CHURC1: variants seen among roughly 807,000 people sequenced by gnomAD.
CHURC1 encodes the protein churchill domain containing 1.
CHURC1 carries 12 observed loss-of-function variants against 15.4 expected under a neutral mutation model. The ratio of observed to expected loss-of-function variants is 0.78; its 90% CI spans 0.50 to 1.27. The LOEUF (loss-of-function observed/expected upper bound fraction) is 1.27, where lower values mean the gene tolerates loss of function less well. CHURC1 is among the 50% of genes most tolerant of loss of function. The pLI, the probability that CHURC1 is intolerant of heterozygous loss-of-function variation, is 0.00. For missense variants in CHURC1, 132 were observed against 137.8 expected (o/e 0.96, Z 0.21); for synonymous variants, 42 against 47.5 (o/e 0.88, Z 0.48).
chr14:64,924,989 C>A (rs1884578590), intron 2 of CHURC1, among the ~76,000 whole-genome samples: 2 of 152,124 alleles, frequency 1.3e-5, no homozygotes, highest in Admixed American at 6.5e-5. Flanking sequence ...GAATCTTTTT[C>A]TTTCTTTTTA....
In CHURC1 at chr14:64,932,595, A is replaced by T; in HGVS notation, c.*365A>T. On this transcript the variant is annotated 3_prime_UTR_variant, in exon 4 of 4. Coordinates refer to ENST00000549115, the MANE Select transcript of CHURC1 (RefSeq NM_001386928.1). The stretch of plus-strand genomic sequence containing the variant: ...AGAACTGGGATATGAACTGTACAAG[A>T]TGAGCCTAGAGTATCTTGTGCCACA... 1 of 357,362 alleles carries T rather than the reference A, an allele frequency of 2.8e-6. No homozygotes were observed. The allele number at this position is 357,362 out of a possible 1,614,324, so 22.1% of individuals were successfully genotyped here.
chr14:64,934,431 T>C lies in CHURC1; in HGVS notation c.*2201T>C, dbSNP rs1351988081. ...TCACACAGCTAGTGCAGTTACCCCC[T>C]CTCAGTAATTATGTTTGGCAAATAT... On this transcript the variant is annotated 3_prime_UTR_variant, in exon 4 of 4. Transcript: ENST00000549115. The C allele has an allele frequency of 1.0e-6, 1 of 985,164 alleles. No individual in the cohort carries two copies. Among genetic ancestry groups the C allele is most frequent in the Non-Finnish European group, 1.2e-6 (1 of 829,706 alleles). 61.0% of individuals were successfully genotyped at this position (985,164 alleles called of 1,614,324 possible). A position where few individuals can be genotyped will look rare whatever the true frequency, so the allele number is the denominator to read the frequency against.
chr14:64,930,186 T>G (rs1302986822), intron 3 of CHURC1, among the ~76,000 whole-genome samples: 1 of 152,140 alleles, frequency 6.6e-6, no homozygotes, highest in Non-Finnish European at 1.5e-5. Context: ...CTCCAAATAT[T>G]TTCCCCTAGG....
intron 3 of CHURC1, among the ~76,000 whole-genome samples, chr14:64,930,376 T>G (rs950071982): frequency 1.3e-5 from 2 of 152,212 alleles, no homozygotes; most frequent in Admixed American, 1.3e-4. Flanking sequence ...AGCACTTCTA[T>G]ATATGGTTAG....
rs768385264 is a variant in CHURC1, at chr14:64,914,542, A to T, written c.39+8A>T. 1.9e-6 allele frequency: 3 copies of T among 1,614,194 alleles called. No homozygotes were observed. The highest frequency in any genetic ancestry group is 3.3e-5 in the Admixed American group (2 of 60,024). On this transcript the variant is annotated splice_region_variant and intron_variant, in intron 1 of 3. Transcript: ENST00000549115. ...AAGGAATATCCCAACCGGGTGAGCG[A>T]CTGGGCGCTCCCTTGGCCCGCGGGC... is the stretch of plus-strand genomic sequence containing the variant.
intron 3 of CHURC1, among the ~76,000 whole-genome samples, chr14:64,927,682 C>T (rs1301665488): frequency 6.7e-6 from 1 of 149,360 alleles, no homozygotes; most frequent in Non-Finnish European, 1.5e-5. Flanking sequence ...GATTCTTAAA[C>T]TAGACTCTCT....
In CHURC1 at chr14:64,925,253, G is replaced by A. The variant is rs138305305; in HGVS notation, c.176-757G>A. 3.1e-3 allele frequency among the ~76,000 whole-genome samples: 476 copies of A among 152,122 alleles called. 4 individuals are homozygous for A. Among genetic ancestry groups the A allele is most frequent in the African/African-American group, 0.011 (453 of 41,472 alleles). ...AATAGTAAGCACTCAATAAATCATCGTTTTTACTAGATTATTTTGTTACCA... is the reference window on the plus strand; with the variant it reads ...AATAGTAAGCACTCAATAAATCATCATTTTTACTAGATTATTTTGTTACCA... On this transcript the variant is annotated intron_variant, in intron 2 of 3. Transcript: ENST00000549115.
chr14:64,919,362 G>T (rs1884114020), intron 1 of CHURC1, among the ~76,000 whole-genome samples: 1 of 152,076 alleles, frequency 6.6e-6, no homozygotes, highest in South Asian at 2.1e-4. Flanking sequence ...TACTTGTTTT[G>T]TATTTGTCAT....
At chr14:64,918,556 A>G (rs565224762) in intron 1 of CHURC1, among the ~76,000 whole-genome samples, 2 of 152,330 alleles carry the variant, frequency 1.3e-5, no homozygotes, top group African/African-American at 4.8e-5. Flanking sequence ...GGCCGGGCCT[A>G]GTGGCTCACA....
At position 64,933,654 on chromosome 14, in the gene CHURC1, G is replaced by T; in HGVS notation, c.*1424G>T. On this transcript the variant is annotated 3_prime_UTR_variant, in exon 4 of 4. Transcript: ENST00000549115. The stretch of plus-strand genomic sequence containing the variant: ...GTAAAGTACTAGAAACAATGAGGTG[G>T]CTTCAATTAGTGCTCATTCTGAGAC... 1.0e-6 allele frequency: 1 copy of T among 985,404 alleles called. No individual in the cohort carries two copies. The highest frequency in any genetic ancestry group is 4.7e-5 in the South Asian group (1 of 21,284). The allele number at this position is 985,404 out of a possible 1,614,324, so 61.0% of individuals were successfully genotyped here.
chr14:64,916,616 C>T (rs1430951894), intron 1 of CHURC1, among the ~76,000 whole-genome samples: 2 of 152,038 alleles, frequency 1.3e-5, no homozygotes, highest in Admixed American at 6.6e-5. Context: ...CTTGCTCTGT[C>T]GCCCAGGTTG....
chr14:64,914,614 C>A, intron 1 of CHURC1, 80 bp downstream of exon 1: 1 of 1,598,440 alleles, frequency 6.3e-7, no homozygotes, highest in Non-Finnish European at 8.5e-7. Context: ...CCAGAGAGGC[C>A]GTACGTGGGG....
intron 1 of CHURC1, among the ~76,000 whole-genome samples, chr14:64,923,630 ATAT>A (rs1328544444): frequency 1.3e-5 from 2 of 152,020 alleles, no homozygotes; most frequent in African/African-American, 2.4e-5. Context: ...GCCTCGTTTA[ATAT>A]TGTTGGTTAT....
chr14:64,928,630 G>A (rs145182379), intron 3 of CHURC1, among the ~76,000 whole-genome samples: 50 of 152,182 alleles, frequency 3.3e-4, no homozygotes, highest in African/African-American at 1.2e-3. Context: ...TTTTCTCTGT[G>A]CTAAAACTAT....
rs543233249 is a variant in CHURC1, at chr14:64,925,479, C to G, written c.176-531C>G. Among the ~76,000 whole-genome samples, 16 of 152,058 alleles carry G rather than the reference C, an allele frequency of 1.1e-4. No individual in the cohort carries two copies. In the South Asian group the frequency reaches 3.1e-3, roughly 30 times the overall value. ...CTTGAGCCCAGGGGTTCAAGACCAG[C>G]CTGCTCAACATAGTGAGACCTCACC... is the stretch of plus-strand genomic sequence containing the variant. On this transcript the variant is annotated intron_variant, in intron 2 of 3. Transcript: ENST00000549115.
At chr14:64,931,464 G>A (rs551702035) in intron 3 of CHURC1, among the ~76,000 whole-genome samples, 10 of 152,108 alleles carry the variant, frequency 6.6e-5, no homozygotes, top group African/African-American at 2.4e-4. Context: ...AGCACAGGAG[G>A]TCAAGGCTGC....
chr14:64,915,239 C>T (rs1056122462), intron 1 of CHURC1, among the ~76,000 whole-genome samples: 7 of 152,228 alleles, frequency 4.6e-5, no homozygotes, highest in African/African-American at 1.2e-4. Flanking sequence ...ATCAAGTGAT[C>T]CTCCCGCCTT....
At chr14:64,929,565 C>T (rs1308610198) in intron 3 of CHURC1, among the ~76,000 whole-genome samples, 1 of 152,158 alleles carries the variant, frequency 6.6e-6, no homozygotes, top group Non-Finnish European at 1.5e-5. Context: ...GATTCCCAGC[C>T]ACCATTGTTG....
intron 3 of CHURC1, among the ~76,000 whole-genome samples, chr14:64,931,251 G>A (rs1388139437): frequency 6.6e-6 from 1 of 152,122 alleles, no homozygotes; most frequent in Non-Finnish European, 1.5e-5. Flanking sequence ...ATAGGACTTT[G>A]GGCTGGATGC....
Sources: allele counts gnomAD v4.1 joint callset (sites outside exome capture counted in the v4.1 genomes callset), GRCh38; gene constraint gnomAD v4.1.1; transcripts MANE v1.5; gene names NCBI Gene and HGNC (gene_info 2026-07-23, HGNC 2026-07-21).